RIT2: variants seen among roughly 807,000 people sequenced by gnomAD.
RIT2 encodes the protein Ras like without CAAX 2.
In RIT2, 24 loss-of-function variants were observed where a neutral mutation model predicts 23.7. That is an observed-to-expected ratio of 1.01 (90% CI 0.73 to 1.43). The LOEUF is 1.43. Among genes scored for constraint, RIT2 ranks in the 40% most tolerant of loss-of-function variants. RIT2 has a pLI of 0.00. For synonymous variants in RIT2, 107 were observed against 91.1 expected (o/e 1.17, Z -0.99); for missense variants, 236 against 266.9 (o/e 0.88, Z 0.81).
At chr18:42,920,187 C>T (rs1909019237) in intron 4 of RIT2, among the ~76,000 whole-genome samples, 1 of 152,104 alleles carries the variant, frequency 6.6e-6, no homozygotes, top group South Asian at 2.1e-4. Flanking sequence ...GATGCTACTG[C>T]TCTAAGAAGC....
intron 4 of RIT2, among the ~76,000 whole-genome samples, chr18:42,850,628 T>G (rs1907027114): frequency 6.6e-6 from 1 of 152,198 alleles, no homozygotes; most frequent in African/African-American, 2.4e-5. Context: ...TTATAGAAAA[T>G]GTTGAAGATA....
At chr18:42,985,917 A>G (rs1019765961) in intron 2 of RIT2, among the ~76,000 whole-genome samples, 1 of 152,132 alleles carries the variant, frequency 6.6e-6, no homozygotes, top group African/African-American at 2.4e-5. Flanking sequence ...GGGCTACATT[A>G]AAAACAAAAA....
At chr18:43,024,376 C>A (rs1911662342) in intron 2 of RIT2, among the ~76,000 whole-genome samples, 1 of 151,802 alleles carries the variant, frequency 6.6e-6, no homozygotes, top group East Asian at 1.9e-4. Context: ...GAAACTGGAC[C>A]CCTATCTTTA....
intron 4 of RIT2, among the ~76,000 whole-genome samples, chr18:42,910,129 A>C (rs1473724583): frequency 6.6e-6 from 1 of 152,156 alleles, no homozygotes; most frequent in East Asian, 1.9e-4. Context: ...ATAGAATTCT[A>C]AAACTATTTT....
intron 2 of RIT2, among the ~76,000 whole-genome samples, chr18:43,007,552 A>G (rs1911255426): frequency 6.6e-6 from 1 of 151,672 alleles, no homozygotes; most frequent in Non-Finnish European, 1.5e-5. Context: ...AGAGCCAAGA[A>G]CATATTTTCA....
rs546588557 is a variant in RIT2, at chr18:43,060,796, C to T, written c.104-26929G>A. On this transcript the variant is annotated intron_variant, in intron 1 of 4. Coordinates refer to ENST00000326695, the MANE Select transcript of RIT2 (RefSeq NM_002930.4). The stretch of plus-strand genomic sequence containing the variant: ...GAAAACAGATCTTCTGCCTTTTATG[C>T]TGACAATCAAAATCGGCCCTTATTT... 5.9e-5 allele frequency among the ~76,000 whole-genome samples: 9 copies of T among 152,202 alleles called. No individual in the cohort carries two copies. In the South Asian group the frequency reaches 1.0e-3, roughly 18 times the overall value.
At chr18:42,865,161 T>C (rs146241047) in intron 4 of RIT2, among the ~76,000 whole-genome samples, 1 of 152,268 alleles carries the variant, frequency 6.6e-6, no homozygotes, top group Non-Finnish European at 1.5e-5. Flanking sequence ...CACAACAAAC[T>C]CTGGCATGCT....
intron 2 of RIT2, among the ~76,000 whole-genome samples, chr18:42,992,440 A>T (rs941449021): frequency 1.3e-5 from 2 of 152,084 alleles, no homozygotes; most frequent in Admixed American, 1.3e-4. Context: ...AACTCGTCCC[A>T]AATCTTCCTT....
At position 42,899,965 on chromosome 18, in the gene RIT2, G is replaced by A. The variant is rs529720611; in HGVS notation, c.426+23607C>T. Among the ~76,000 whole-genome samples the A allele has an allele frequency of 7.9e-5, 12 of 151,888 alleles. No individual in the cohort carries two copies. The South Asian group carries it at 2.5e-3, about 32-fold the overall frequency. On this transcript the variant is annotated intron_variant, in intron 4 of 4. Transcript: ENST00000326695. Reference sequence around the variant, plus strand: ...TCTAATATATTATTAAATTGAGCAAGTTAGTTTAATAAGTACAAAACTACA... The same window carrying A: ...TCTAATATATTATTAAATTGAGCAAATTAGTTTAATAAGTACAAAACTACA...
chr18:42,743,830 A>T (rs904426208), intron 4 of RIT2, 110 bp from the exon 5 acceptor site: 11 of 757,012 alleles, frequency 1.5e-5, no homozygotes, highest in Admixed American at 2.8e-5. Flanking sequence ...AAGCCAAGCC[A>T]TCGTATCCCC....
intron 3 of RIT2, among the ~76,000 whole-genome samples, chr18:42,924,343 T>C (rs1909129487): frequency 6.6e-6 from 1 of 152,072 alleles, no homozygotes. Flanking sequence ...GATCCAGTTA[T>C]TTGTTTGGGT....
intron 4 of RIT2, among the ~76,000 whole-genome samples, chr18:42,808,569 AAG>A (rs1905750949): frequency 1.4e-5 from 2 of 147,966 alleles, no homozygotes; most frequent in African/African-American, 5.2e-5. Context: ...GTTGGCAAAA[AAG>A]AATTCGTTTT....
At chr18:43,004,114 A>AT (rs943805145) in intron 2 of RIT2, among the ~76,000 whole-genome samples, 3 of 151,462 alleles carry the variant, frequency 2.0e-5, no homozygotes, top group African/African-American at 7.3e-5. Flanking sequence ...TAGCCTGGAG[A>AT]TTTTTTCTGC....
chr18:43,097,338 A>C (rs1259504020), intron 1 of RIT2, among the ~76,000 whole-genome samples: 1 of 151,904 alleles, frequency 6.6e-6, no homozygotes, highest in African/African-American at 2.4e-5. Context: ...TTATAGAGAA[A>C]AGACAGGACA....
At chr18:43,047,879 T>A (rs1265121157) in intron 1 of RIT2, among the ~76,000 whole-genome samples, 7 of 152,138 alleles carry the variant, frequency 4.6e-5, no homozygotes, top group Non-Finnish European at 8.8e-5. Context: ...CACAAAAATA[T>A]GAGGGGAGTT....
intron 2 of RIT2, among the ~76,000 whole-genome samples, chr18:43,020,875 C>T (rs942132450): frequency 1.8e-4 from 27 of 152,058 alleles, no homozygotes; most frequent in African/African-American, 5.1e-4. Flanking sequence ...AATGGATTCA[C>T]GACCTGTTTG....
At chr18:42,850,676 T>C (rs936362606) in intron 4 of RIT2, among the ~76,000 whole-genome samples, 8 of 152,218 alleles carry the variant, frequency 5.3e-5, no homozygotes, top group African/African-American at 1.9e-4. Context: ...GAGCAATATG[T>C]AGAAGATACA....
intron 4 of RIT2, among the ~76,000 whole-genome samples, chr18:42,778,437 T>A (rs578133248): frequency 1.3e-5 from 2 of 152,350 alleles, no homozygotes; most frequent in South Asian, 4.1e-4. Flanking sequence ...TAATTATCTA[T>A]AAATATCTAC....
At chr18:43,058,089 C>A (rs1402715389) in intron 1 of RIT2, among the ~76,000 whole-genome samples, 1 of 152,086 alleles carries the variant, frequency 6.6e-6, no homozygotes, top group Non-Finnish European at 1.5e-5. Context: ...ATAGAATGAA[C>A]TGAGTAGTAG....
Sources: gnomAD v4.1 joint callset for allele counts (sites outside exome capture counted in the v4.1 genomes callset) on GRCh38, gnomAD v4.1.1 for gene constraint, MANE v1.5 for transcripts, NCBI Gene and HGNC (gene_info 2026-07-23, HGNC 2026-07-21) for gene names.